NALF1: variants seen among roughly 807,000 people sequenced by gnomAD.
NALF1 encodes the protein NALCN channel auxiliary factor 1.
A neutral mutation model predicts 48.4 loss-of-function variants in NALF1; 3 were observed. That is an observed-to-expected ratio of 0.06 (90% confidence interval 0.03 to 0.16). NALF1 has a LOEUF of 0.16. NALF1 is among the 10% of genes least tolerant of loss of function. NALF1 has a pLI of 1.00. For synonymous variants in NALF1, 262 were observed against 245.7 expected (o/e 1.07, Z -0.62); for missense variants, 526 against 571.5 (o/e 0.92, Z 0.81).
chr13:107,613,279 A>G (rs1879289533), intron 1 of NALF1, among the ~76,000 whole-genome samples: 1 of 152,234 alleles, frequency 6.6e-6, no homozygotes, highest in Non-Finnish European at 1.5e-5. Context: ...AACCAATGTC[A>G]TTCCATCTTT....
At chr13:107,406,378 A>C (rs915241107) in intron 1 of NALF1, among the ~76,000 whole-genome samples, 3 of 152,066 alleles carry the variant, frequency 2.0e-5, no homozygotes, top group African/African-American at 7.2e-5. Flanking sequence ...AATAGTGAGC[A>C]ACCTGAAAAC....
chr13:107,520,723 C>T (rs926879881), intron 1 of NALF1, among the ~76,000 whole-genome samples: 3 of 152,200 alleles, frequency 2.0e-5, no homozygotes, highest in Admixed American at 6.5e-5. Context: ...TGTACGACTG[C>T]CTGCCCGTGC....
At chr13:107,653,076 T>C (rs924360245) in intron 1 of NALF1, among the ~76,000 whole-genome samples, 7 of 149,880 alleles carry the variant, frequency 4.7e-5, no homozygotes, top group Non-Finnish European at 7.5e-5. Flanking sequence ...AAAACACTCC[T>C]GGTATCTTTA....
chr13:107,755,984 A>T (rs1233794695), intron 1 of NALF1, among the ~76,000 whole-genome samples: 1 of 152,132 alleles, frequency 6.6e-6, no homozygotes, highest in Non-Finnish European at 1.5e-5. Context: ...GAAAGAACCA[A>T]CTTCAACTGA....
chr13:107,264,324 G>A (rs1378397192), intron 1 of NALF1, among the ~76,000 whole-genome samples: 2 of 152,156 alleles, frequency 1.3e-5, no homozygotes, highest in Non-Finnish European at 2.9e-5. Flanking sequence ...CAGCATGTTT[G>A]TTTTAAAGAC....
At chr13:107,698,633 A>G (rs1349112789) in intron 1 of NALF1, among the ~76,000 whole-genome samples, 4 of 152,132 alleles carry the variant, frequency 2.6e-5, no homozygotes, top group Non-Finnish European at 4.4e-5. Flanking sequence ...ACATTTTTGA[A>G]TATAAAATAT....
chr13:107,408,439 C>T (rs186296918), intron 1 of NALF1, among the ~76,000 whole-genome samples: 1 of 151,918 alleles, frequency 6.6e-6, no homozygotes, highest in East Asian at 1.9e-4. Flanking sequence ...TTTAATTATC[C>T]TGCCTTTAGC....
At chr13:107,300,966 G>GCATT (rs577160681) in intron 1 of NALF1, among the ~76,000 whole-genome samples, 16 of 152,252 alleles carry the variant, frequency 1.1e-4, no homozygotes, top group Admixed American at 1.0e-3. Context: ...TCTTTCTTAT[G>GCATT]CATTCTTAAA....
At chr13:107,463,811 G>C (rs1316858149) in intron 1 of NALF1, among the ~76,000 whole-genome samples, 1 of 152,132 alleles carries the variant, frequency 6.6e-6, no homozygotes, top group Non-Finnish European at 1.5e-5. Flanking sequence ...TTCCAAAAAA[G>C]CAGATACCAT....
intron 1 of NALF1, among the ~76,000 whole-genome samples, chr13:107,648,804 G>A (rs1442730166): frequency 6.6e-6 from 1 of 152,158 alleles, no homozygotes; most frequent in Non-Finnish European, 1.5e-5. Context: ...CCCTAGCAGT[G>A]AATAAGAGTC....
chr13:107,754,856 G>A (rs986917687), intron 1 of NALF1, among the ~76,000 whole-genome samples: 1 of 152,170 alleles, frequency 6.6e-6, no homozygotes, highest in African/African-American at 2.4e-5. Flanking sequence ...AGAAAGGAGA[G>A]AAGAAATTGT....
At position 107,461,409 on chromosome 13, in the gene NALF1, T is replaced by G. The variant is rs375827053; in HGVS notation, c.916-250654A>C. Among the ~76,000 whole-genome samples the G allele has an allele frequency of 2.8e-3, 421 of 152,284 alleles. 2 individuals carry two copies. The highest frequency in any genetic ancestry group is 9.7e-3 in the African/African-American group (404 of 41,566). On this transcript the variant is annotated intron_variant, in intron 1 of 2. Coordinates refer to ENST00000375915, the MANE Select transcript of NALF1 (RefSeq NM_001080396.3). ...TAATGTCATTTATGAACTAAACAAT[T>G]GAGAAGAATATTAGACACATTTTCC...
At chr13:107,557,461 G>A (rs1877514243) in intron 1 of NALF1, among the ~76,000 whole-genome samples, 1 of 152,054 alleles carries the variant, frequency 6.6e-6, no homozygotes, top group East Asian at 1.9e-4. Context: ...ACAGAGCCAG[G>A]AGCAGTCCAG....
At chr13:107,384,630 T>C (rs1883497040) in intron 1 of NALF1, among the ~76,000 whole-genome samples, 1 of 152,192 alleles carries the variant, frequency 6.6e-6, no homozygotes, top group South Asian at 2.1e-4. Context: ...CAAGGCATCT[T>C]TTTTTTCTAA....
intron 1 of NALF1, among the ~76,000 whole-genome samples, chr13:107,614,879 T>A (rs542730078): frequency 9.9e-5 from 15 of 152,068 alleles, no homozygotes; most frequent in African/African-American, 3.4e-4. Flanking sequence ...TCGGTTCAAG[T>A]GATTCTCCTG....
chr13:107,228,248 C>T (rs989315754), intron 1 of NALF1, among the ~76,000 whole-genome samples: 2 of 152,170 alleles, frequency 1.3e-5, no homozygotes, highest in African/African-American at 2.4e-5. Flanking sequence ...ATTCTACTGA[C>T]ATAGTCATCT....
intron 1 of NALF1, among the ~76,000 whole-genome samples, chr13:107,756,435 C>CTA (rs148971349): frequency 0.051 from 7,228 of 140,978 alleles, 411 homozygotes; most frequent in East Asian, 0.32. Flanking sequence ...AGTTTAATGG[C>CTA]TATATATATA....
intron 1 of NALF1, among the ~76,000 whole-genome samples, chr13:107,262,167 C>T (rs1880940013): frequency 6.6e-6 from 1 of 152,130 alleles, no homozygotes; most frequent in Non-Finnish European, 1.5e-5. Context: ...GTAATCCTAG[C>T]ATTTTGGGAC....
intron 1 of NALF1, among the ~76,000 whole-genome samples, chr13:107,747,067 G>C (rs893711638): frequency 5.9e-5 from 9 of 152,238 alleles, no homozygotes; most frequent in Non-Finnish European, 8.8e-5. Context: ...CAAACAATGA[G>C]ATACTGGAAT....
Sources: allele counts gnomAD v4.1 joint callset (sites outside exome capture counted in the v4.1 genomes callset), GRCh38; gene constraint gnomAD v4.1.1; transcripts MANE v1.5; gene names NCBI Gene and HGNC (gene_info 2026-07-23, HGNC 2026-07-21).